Variants in HTR2C observed in about 807,000 individuals in gnomAD.
The protein encoded by HTR2C is 5-hydroxytryptamine receptor 2C.
Under a neutral mutation model 21.0 loss-of-function variants are expected in HTR2C, and 5 were observed. The observed-to-expected ratio is 0.24, with a 90% CI of 0.12 to 0.50. HTR2C has a LOEUF of 0.50. Ranked by LOEUF, HTR2C falls within the 20% of genes least tolerant of loss-of-function variation. The pLI is 0.98. For synonymous variants in HTR2C, 150 were observed against 145.3 expected, an observed-to-expected ratio of 1.03 and a Z score of -0.23; for missense variants, 271 against 371.2, an observed-to-expected ratio of 0.73 and a Z score of 2.22.
At chrX:114,689,975 C>T (rs968949480) in intron 2 of HTR2C, among the ~76,000 whole-genome samples, 2 of 111,339 alleles carry the variant, frequency 1.8e-5, no homozygotes, top group Admixed American at 1.9e-4. Flanking sequence ...TAAAAGGTAT[C>T]AATTTGACAG....
At chrX:114,725,995 G>A (rs1216172142) in intron 2 of HTR2C, among the ~76,000 whole-genome samples, 2 of 110,760 alleles carry the variant, frequency 1.8e-5, no homozygotes, top group Non-Finnish European at 3.8e-5. Context: ...CCCCAGAGGT[G>A]GAGCCTACAG....
At chrX:114,782,330 A>C (rs782351380) in intron 4 of HTR2C, among the ~76,000 whole-genome samples, 36 of 111,417 alleles carry the variant, frequency 3.2e-4, no homozygotes, top group Non-Finnish European at 1.3e-4. Flanking sequence ...GTGAATCTAG[A>C]TAGAAGGTCT....
intron 5 of HTR2C, among the ~76,000 whole-genome samples, chrX:114,895,904 G>A (rs62594918): frequency 0.1 from 10,885 of 108,606 alleles, 562 homozygotes; most frequent in Middle Eastern, 0.17. Flanking sequence ...AGGGAGAATC[G>A]CTTGAACCTG....
At chrX:114,676,895 A>G (rs1931581407) in intron 2 of HTR2C, among the ~76,000 whole-genome samples, 1 of 112,231 alleles carries the variant, frequency 8.9e-6, no homozygotes, top group African/African-American at 3.2e-5. Context: ...AAGGGATAGA[A>G]GGAAAGCAAG....
chrX:114,753,372 A>G (rs1453405790), intron 4 of HTR2C, among the ~76,000 whole-genome samples: 2 of 112,010 alleles, frequency 1.8e-5, no homozygotes, highest in Non-Finnish European at 3.8e-5. Context: ...AAGTTGTTTT[A>G]AGTCACCAAG....
intron 5 of HTR2C, among the ~76,000 whole-genome samples, chrX:114,864,233 C>T (rs1392036869): frequency 1.8e-5 from 2 of 110,467 alleles, no homozygotes; most frequent in Admixed American, 1.9e-4. Flanking sequence ...TTATAGTTTA[C>T]CTTTATGAAT....
At chrX:114,821,590 C>A (rs988702004) in intron 4 of HTR2C, among the ~76,000 whole-genome samples, 1 of 111,435 alleles carries the variant, frequency 9.0e-6, no homozygotes, top group East Asian at 2.8e-4. Flanking sequence ...TGGCCTACAA[C>A]TTTTAATGAT....
intron 1 of HTR2C, among the ~76,000 whole-genome samples, chrX:114,607,950 G>A (rs1048630904): frequency 6.3e-5 from 7 of 111,279 alleles, no homozygotes; most frequent in Non-Finnish European, 7.5e-5. Context: ...TGATACCACT[G>A]CACTCCAACC....
At chrX:114,796,636 G>A (rs17095572) in intron 4 of HTR2C, among the ~76,000 whole-genome samples, 2,044 of 111,423 alleles carry the variant, frequency 0.018, 50 homozygotes, top group African/African-American at 0.063. Context: ...ACACCACAGG[G>A]CCATCTAATA....
At chrX:114,587,258 C>T (rs998170447) in intron 1 of HTR2C, among the ~76,000 whole-genome samples, 1 of 111,576 alleles carries the variant, frequency 9.0e-6, no homozygotes, top group Admixed American at 9.5e-5. Context: ...TAAATTAATT[C>T]CCAGGTTTTA....
intron 4 of HTR2C, among the ~76,000 whole-genome samples, chrX:114,808,021 C>A (rs1334048202): frequency 9.0e-5 from 10 of 110,776 alleles, no homozygotes; most frequent in African/African-American, 3.3e-4. Context: ...TGACTATAGT[C>A]ACCCTGTTGT....
chrX:114,621,523 C>A (rs782790431), intron 2 of HTR2C, among the ~76,000 whole-genome samples: 91 of 111,751 alleles, frequency 8.1e-4, no homozygotes, highest in African/African-American at 2.7e-3. Context: ...GCTTGTAGGC[C>A]ATACAAAAAC....
intron 2 of HTR2C, among the ~76,000 whole-genome samples, chrX:114,696,664 T>G (rs1556415918): frequency 1.8e-5 from 2 of 110,927 alleles, no homozygotes; most frequent in Non-Finnish European, 3.8e-5. Flanking sequence ...AAAGTCGTTT[T>G]ATTTTCATTG....
At chrX:114,792,812 G>A (rs1288320531) in intron 4 of HTR2C, among the ~76,000 whole-genome samples, 23 of 111,684 alleles carry the variant, frequency 2.1e-4, no homozygotes, top group African/African-American at 7.1e-4. Flanking sequence ...TCACTATTCT[G>A]ACTGGTGTGA....
chrX:114,749,691 A>G (rs1180175372), intron 4 of HTR2C, among the ~76,000 whole-genome samples: 1 of 110,326 alleles, frequency 9.1e-6, no homozygotes, highest in East Asian at 2.8e-4. Flanking sequence ...ACAGAGTAAG[A>G]CACTGTTAAA....
chrX:114,838,767 T>C (rs1287521485), intron 4 of HTR2C, among the ~76,000 whole-genome samples: 1 of 112,402 alleles, frequency 8.9e-6, no homozygotes, highest in African/African-American at 3.2e-5. Context: ...ACCTTTTACA[T>C]ATTAATTGTA....
At chrX:114,620,634 G>A (rs1472071739) in intron 2 of HTR2C, among the ~76,000 whole-genome samples, 2 of 110,882 alleles carry the variant, frequency 1.8e-5, no homozygotes, top group East Asian at 5.7e-4. Context: ...ATACTTTCCT[G>A]GCTAAGCTTT....
At chrX:114,633,689 T>C (rs966376748) in intron 2 of HTR2C, among the ~76,000 whole-genome samples, 2 of 111,205 alleles carry the variant, frequency 1.8e-5, no homozygotes, top group Non-Finnish European at 1.9e-5. Context: ...ATGAAAATTG[T>C]ATCAAAATTT....
chrX:114,794,172 A>C (rs1480047017), intron 4 of HTR2C, among the ~76,000 whole-genome samples: 2 of 111,261 alleles, frequency 1.8e-5, no homozygotes, highest in East Asian at 5.7e-4. Flanking sequence ...TTCAAACCCC[A>C]AAATTATATA....
Sources: allele counts gnomAD v4.1 joint callset (sites outside exome capture counted in the v4.1 genomes callset), GRCh38; gene constraint gnomAD v4.1.1; transcripts MANE v1.5; gene names NCBI Gene and HGNC (gene_info 2026-07-23, HGNC 2026-07-21).